Variants in CLIC5 observed in about 807,000 individuals in gnomAD.
The protein encoded by CLIC5 is CLIC family member 5.
In CLIC5, 20 loss-of-function variants were observed where a neutral mutation model predicts 24.7. That is an observed-to-expected ratio of 0.81 (90% CI 0.57 to 1.18). The LOEUF (loss-of-function observed/expected upper bound fraction) is 1.18. Among genes scored for constraint, CLIC5 ranks in the 50% most tolerant of loss-of-function variants. CLIC5 has a pLI of 0.00. For synonymous variants in CLIC5, 159 were observed against 135.6 expected (o/e 1.17, Z -1.20); for missense variants, 341 against 326.1 (o/e 1.05, Z -0.35).
At chr6:45,988,198 A>G (rs1765807294) in intron 1 of CLIC5, among the ~76,000 whole-genome samples, 1 of 152,232 alleles carries the variant, frequency 6.6e-6, no homozygotes, top group Non-Finnish European at 1.5e-5. Context: ...AAACATTACA[A>G]AAAGGAGAAA....
the CLIC5 span, among the ~76,000 whole-genome samples, chr6:46,122,637 C>T: frequency 8.5e-5 from 13 of 152,060 alleles, no homozygotes; most frequent in South Asian, 6.2e-4. Flanking sequence ...TCAATGAATC[C>T]GGGATCTGGT....
chr6:45,952,188 A>G (rs1218049244), intron 2 of CLIC5, among the ~76,000 whole-genome samples: 1 of 152,084 alleles, frequency 6.6e-6, no homozygotes, highest in Admixed American at 6.6e-5. Flanking sequence ...CTGGAGTCAG[A>G]CGCCCTTGGG....
At chr6:45,984,224 A>C (rs1765657785) in intron 1 of CLIC5, among the ~76,000 whole-genome samples, 1 of 152,222 alleles carries the variant, frequency 6.6e-6, no homozygotes, top group Admixed American at 6.5e-5. Context: ...CCATCAGTGC[A>C]TTGGTTCCTT....
chr6:46,093,477 G>A, the CLIC5 span, among the ~76,000 whole-genome samples: 187 of 152,250 alleles, frequency 1.2e-3, no homozygotes, highest in African/African-American at 4.1e-3. Flanking sequence ...AGTCTGACTA[G>A]GAAAGTCCTG....
chr6:46,124,344 A>G, the CLIC5 span, among the ~76,000 whole-genome samples: 2 of 152,254 alleles, frequency 1.3e-5, no homozygotes, highest in Non-Finnish European at 1.5e-5. Context: ...AGGATTCCCT[A>G]TTTAACAAAT....
chr6:45,945,571 C>A (rs1013707183), intron 3 of CLIC5, among the ~76,000 whole-genome samples: 6 of 152,166 alleles, frequency 3.9e-5, no homozygotes, highest in African/African-American at 1.4e-4. Context: ...CCTACCCTCT[C>A]AGAATTTGCT....
chr6:46,066,618 G>C (rs918855619), intron 1 of CLIC5, among the ~76,000 whole-genome samples: 4 of 152,090 alleles, frequency 2.6e-5, no homozygotes, highest in African/African-American at 9.7e-5. Context: ...GCTAACTGTG[G>C]GGGGTACATG....
At chr6:45,913,886 G>A (rs900987670) in intron 5 of CLIC5, 16 of 1,026,494 alleles carry the variant, frequency 1.6e-5, no homozygotes, top group Middle Eastern at 3.5e-4. Flanking sequence ...GAAATCCTAT[G>A]AGGAAGAGGC....
intron 6 of CLIC5, among the ~76,000 whole-genome samples, chr6:45,881,868 T>C (rs976592298): frequency 6.6e-6 from 1 of 152,154 alleles, no homozygotes; most frequent in African/African-American, 2.4e-5. Flanking sequence ...ACCAAGGGCA[T>C]GGGTCTGGTT....
chr6:46,021,009 C>T (rs1767162467), intron 1 of CLIC5, among the ~76,000 whole-genome samples: 1 of 150,254 alleles, frequency 6.7e-6, no homozygotes, highest in African/African-American at 2.4e-5. Context: ...AACACCAATT[C>T]CATGCAATCT....
chr6:46,000,764 G>A (rs1034074783), intron 1 of CLIC5, among the ~76,000 whole-genome samples: 2 of 152,058 alleles, frequency 1.3e-5, no homozygotes, highest in African/African-American at 2.4e-5. Context: ...AACAGCATGG[G>A]GGAAACAACC....
chr6:46,059,845 G>A (rs1003155267), intron 1 of CLIC5, among the ~76,000 whole-genome samples: 1 of 152,152 alleles, frequency 6.6e-6, no homozygotes, highest in Admixed American at 6.5e-5. Flanking sequence ...CATAAGAACA[G>A]GATTGCCTGA....
chr6:46,101,277 C>T, the CLIC5 span, among the ~76,000 whole-genome samples: 1 of 152,220 alleles, frequency 6.6e-6, no homozygotes, highest in Non-Finnish European at 1.5e-5. Context: ...AATCTGATCA[C>T]TTCATCATGT....
At chr6:46,070,038 G>T (rs1490609660) in intron 1 of CLIC5, among the ~76,000 whole-genome samples, 1 of 152,010 alleles carries the variant, frequency 6.6e-6, no homozygotes, top group Non-Finnish European at 1.5e-5. Context: ...CATGTTAAAA[G>T]CTCTCAATAA....
chr6:46,005,488 G>A (rs1766517431), intron 1 of CLIC5, among the ~76,000 whole-genome samples: 1 of 152,168 alleles, frequency 6.6e-6, no homozygotes, highest in Admixed American at 6.5e-5. Flanking sequence ...AGATAATTAA[G>A]CACTTCCCTC....
At chr6:46,029,525 C>T (rs1440341593) in intron 1 of CLIC5, among the ~76,000 whole-genome samples, 1 of 152,156 alleles carries the variant, frequency 6.6e-6, no homozygotes, top group Non-Finnish European at 1.5e-5. Context: ...TACCTTTATG[C>T]CTTATCCTAT....
upstream of CLIC5, among the ~76,000 whole-genome samples, chr6:46,018,390 A>T (rs1254204824): frequency 6.6e-6 from 1 of 152,170 alleles, no homozygotes; most frequent in African/African-American, 2.4e-5. Context: ...GCTATTGTAA[A>T]TTTGGACAGA....
At chr6:45,994,644 C>T (rs1232224282) in intron 1 of CLIC5, among the ~76,000 whole-genome samples, 1 of 152,104 alleles carries the variant, frequency 6.6e-6, no homozygotes, top group African/African-American at 2.4e-5. Context: ...AAAAATTGGG[C>T]ATGTATTACC....
rs562496486 is a variant in CLIC5, at chr6:45,953,673, G to T, written c.173+1462C>A. ...TCCATGGACAATGGGAAACATCAAA[G>T]GTTTCCTGTGCATGAAAGTGGCCTG... On this transcript the variant is annotated intron_variant, in intron 2 of 5. Coordinates refer to ENST00000339561, the MANE Select transcript of CLIC5 (RefSeq NM_016929.5). Among the ~76,000 whole-genome samples the T allele has an allele frequency of 5.6e-4, 86 of 152,254 alleles. 1 individual carries two copies.
Sources: gnomAD v4.1 joint callset for allele counts (sites outside exome capture counted in the v4.1 genomes callset) on GRCh38, gnomAD v4.1.1 for gene constraint, MANE v1.5 for transcripts, NCBI Gene and HGNC (gene_info 2026-07-23, HGNC 2026-07-21) for gene names.